Variants in PCDHA1 observed in about 807,000 individuals in gnomAD.
PCDHA1 encodes the protein protocadherin alpha 1, also known as protocadherin alpha-1.
Under a neutral mutation model 61.3 loss-of-function variants are expected in PCDHA1, and 42 were observed. That is an observed-to-expected ratio of 0.69 (90% CI 0.54 to 0.89). PCDHA1 has a LOEUF of 0.89. Ranked by LOEUF, PCDHA1 falls within the 40% of genes least tolerant of loss-of-function variation. The probability of loss-of-function intolerance (pLI) is 0.00; values close to 1 mark genes in which losing one functional copy is unlikely to be tolerated. For missense variants in PCDHA1, 1,256 were observed against 1,235.3 expected (o/e 1.02, Z -0.25); for synonymous variants, 610 against 553.8 (o/e 1.10, Z -1.43).
At chr5:140,807,461 C>T in intron 1 of PCDHA1, 1 of 1,608,438 alleles carries the variant, frequency 6.2e-7, no homozygotes, top group Admixed American at 1.7e-5. Context: ...TCGGATCGAC[C>T]GGGAGGAGCT....
At chr5:140,830,198 G>A (rs2150099419) in intron 1 of PCDHA1, 1 of 1,613,708 alleles carries the variant, frequency 6.2e-7, no homozygotes, top group Non-Finnish European at 8.5e-7. Context: ...CCTGATCATC[G>A]CCATCTGCGC....
intron 1 of PCDHA1, chr5:140,809,589 C>A (rs782233808): frequency 6.5e-7 from 1 of 1,540,572 alleles, no homozygotes; most frequent in South Asian, 1.2e-5. Context: ...GTATAACATC[C>A]TTTTGTTTAA....
chr5:140,919,424 T>G (rs1222822099), intron 1 of PCDHA1, among the ~76,000 whole-genome samples: 7 of 152,218 alleles, frequency 4.6e-5, no homozygotes, highest in Non-Finnish European at 2.9e-5. Context: ...CAATTCTGCC[T>G]TTTGATTGGG....
chr5:140,873,432 T>A (rs992972839), intron 1 of PCDHA1, among the ~76,000 whole-genome samples: 5 of 152,212 alleles, frequency 3.3e-5, no homozygotes, highest in African/African-American at 7.2e-5. Flanking sequence ...TTATTTTATA[T>A]CACATAAATA....
rs548429892 is a variant in PCDHA1 at position 140,891,971 on chromosome 5, G to A, written c.2395-86978G>A. Among the ~76,000 whole-genome samples the A allele has an allele frequency of 9.9e-5, 15 of 152,232 alleles. No homozygotes were observed. In the South Asian group the frequency reaches 1.9e-3, roughly 19 times the overall value. On this transcript the variant is annotated intron_variant, in intron 1 of 3. Transcript: ENST00000504120. ...CCAGAATTGTGAGAAGTAAATTTCC[G>A]TTCTCATAAATTACTCAGTCTGTGG...
At chr5:140,809,586 AT>A in intron 1 of PCDHA1, 1 of 1,544,520 alleles carries the variant, frequency 6.5e-7, no homozygotes, top group Non-Finnish European at 8.7e-7. Flanking sequence ...AGTGTATAAC[AT>A]CCTTTTGTTT....
At chr5:140,869,723 A>C (rs782155135) in intron 1 of PCDHA1, 8 of 1,613,430 alleles carry the variant, frequency 5.0e-6, no homozygotes, top group Non-Finnish European at 6.8e-6. Context: ...AAAACTCCGG[A>C]ACTTAATTTG....
chr5:140,986,218 T>A (rs2153838096), intron 3 of PCDHA1, among the ~76,000 whole-genome samples: 1 of 152,304 alleles, frequency 6.6e-6, no homozygotes, highest in Non-Finnish European at 1.5e-5. Flanking sequence ...GGCCCCTTTC[T>A]CTAGCCTCCC....
intron 1 of PCDHA1, chr5:140,856,399 T>A: frequency 6.3e-7 from 1 of 1,598,492 alleles, no homozygotes; most frequent in Admixed American, 1.7e-5. Flanking sequence ...AGGTTTTCCA[T>A]GTGGACGTGG....
intron 1 of PCDHA1, chr5:140,808,146 T>C (rs1764107418): frequency 1.9e-6 from 3 of 1,614,126 alleles, no homozygotes; most frequent in African/African-American, 1.3e-5. Context: ...GAAATTATTG[T>C]AGAGGGCATT....
At chr5:140,802,999 C>G (rs782171071) in intron 1 of PCDHA1, 2 of 1,614,048 alleles carry the variant, frequency 1.2e-6, no homozygotes, top group Admixed American at 3.3e-5. Context: ...GATGCAGACT[C>G]AGGCTACAAC....
At chr5:140,891,232 C>T (rs1562856029) in intron 1 of PCDHA1, among the ~76,000 whole-genome samples, 1 of 151,946 alleles carries the variant, frequency 6.6e-6, no homozygotes, top group Non-Finnish European at 1.5e-5. Context: ...TCATCCTGTT[C>T]TGGATTCAGT....
intron 1 of PCDHA1, chr5:140,862,621 C>G (rs1452170238): frequency 1.9e-6 from 1 of 528,602 alleles, no homozygotes; most frequent in Admixed American, 2.0e-5. Context: ...TAACAACCCG[C>G]GGGGCTGCCA....
At position 140,821,756 on chromosome 5, in the gene PCDHA1, A is replaced by T. The variant is rs2150110442; in HGVS notation, c.2394+33072A>T. The T allele has an allele frequency of 8.2e-6, 13 of 1,584,204 alleles. No individual in the cohort carries two copies. The East Asian group carries it at 2.2e-4, about 27-fold the overall frequency. ...TGTGTGGTGATGCAATAGAAAGCTC[A>T]TAATTGGAACGAGATTGAGATGGTA... On this transcript the variant is annotated intron_variant, in intron 1 of 3. Transcript: ENST00000504120.
At chr5:140,807,516 T>C (rs782377477) in intron 1 of PCDHA1, 2 of 1,613,702 alleles carry the variant, frequency 1.2e-6, no homozygotes, top group African/African-American at 2.7e-5. Flanking sequence ...GAGGTGATCG[T>C]AGACAGGCCG....
intron 1 of PCDHA1, chr5:140,857,678 C>G (rs1554150504): frequency 1.3e-6 from 2 of 1,597,010 alleles, no homozygotes; most frequent in African/African-American, 1.3e-5. Flanking sequence ...CGTGCCGCCT[C>G]TGGGCAGCAA....
At chr5:141,000,421 A>ATATTT (rs1265241806) in intron 3 of PCDHA1, among the ~76,000 whole-genome samples, 4 of 27,980 alleles carry the variant, frequency 1.4e-4, no homozygotes, top group Non-Finnish European at 1.1e-4. Context: ...ATATATATAT[A>ATATTT]TTTTTTTTTT....
intron 1 of PCDHA1, among the ~76,000 whole-genome samples, chr5:140,886,563 C>CA (rs1344648100): frequency 6.6e-6 from 1 of 152,024 alleles, no homozygotes. Context: ...CACGGTGGCT[C>CA]ACGCCTGTAA....
intron 1 of PCDHA1, among the ~76,000 whole-genome samples, chr5:140,953,639 AG>A (rs1227582024): frequency 6.6e-6 from 1 of 152,152 alleles, no homozygotes; most frequent in African/African-American, 2.4e-5. Context: ...TATTTTGGCC[AG>A]GAGCTATAGT....
Sources: gnomAD v4.1 joint callset for allele counts (sites outside exome capture counted in the v4.1 genomes callset) on GRCh38, gnomAD v4.1.1 for gene constraint, MANE v1.5 for transcripts, NCBI Gene and HGNC (gene_info 2026-07-23, HGNC 2026-07-21) for gene names.